The following LRP12 variants were observed in gnomAD, a reference collection of about 807,000 sequenced individuals.
LRP12 encodes LDL receptor related protein 12.
A neutral mutation model predicts 66.0 loss-of-function variants in LRP12; 14 were observed. That is an observed-to-expected ratio of 0.21 (90% confidence interval 0.14 to 0.33). LRP12 has a LOEUF of 0.33. Ranked by LOEUF, LRP12 falls within the 10% of genes least tolerant of loss-of-function variation. The pLI is 1.00. For missense variants in LRP12, 889 were observed against 1,053.4 expected (o/e 0.84, Z 2.16); for synonymous variants, 357 against 359.1 (o/e 0.99, Z 0.07).
intron 1 of LRP12, among the ~76,000 whole-genome samples, chr8:104,564,014 A>G (rs1811956274): frequency 2.0e-5 from 3 of 152,172 alleles, no homozygotes; most frequent in Non-Finnish European, 4.4e-5. Context: ...GAGTGTATAC[A>G]TCAGTCCCTG....
rs1298627523 is a variant in LRP12 at position 104,491,547 on chromosome 8, A to G, written c.1714-8T>C. 4 of 1,586,280 alleles carry G rather than the reference A, an allele frequency of 2.5e-6. No individual in the cohort carries two copies. The highest frequency in any genetic ancestry group is 3.4e-6 in the Non-Finnish European group (4 of 1,171,156). On this transcript the variant is annotated splice_polypyrimidine_tract_variant and splice_region_variant and intron_variant, in intron 6 of 6. Transcript: ENST00000276654. ...ATTTTCCAAAACAGAAGCCTACAAAAATAAGAAAAGATCTTAAGATAGTTA... is the reference window on the plus strand; with the variant it reads ...ATTTTCCAAAACAGAAGCCTACAAAGATAAGAAAAGATCTTAAGATAGTTA...
chr8:104,547,848 A>G (rs1811620443), intron 1 of LRP12, among the ~76,000 whole-genome samples: 1 of 128,618 alleles, frequency 7.8e-6, no homozygotes, highest in South Asian at 2.4e-4. Flanking sequence ...ATTCTATGTT[A>G]TATTTTGTAT....
At chr8:104,586,730 G>A (rs890404842) in intron 1 of LRP12, among the ~76,000 whole-genome samples, 2 of 152,086 alleles carry the variant, frequency 1.3e-5, no homozygotes, top group Non-Finnish European at 2.9e-5. Context: ...AGACAGAAGA[G>A]GACAAAAAAC....
At chr8:104,588,790 C>A in intron 1 of LRP12, 29 bp downstream of exon 1, 2 of 1,607,086 alleles carry the variant, frequency 1.2e-6, no homozygotes, top group South Asian at 2.2e-5. Context: ...TTTGTTCGGT[C>A]AGCGGGGCGC....
At chr8:104,556,971 T>A (rs1437360395) in intron 1 of LRP12, among the ~76,000 whole-genome samples, 1 of 152,126 alleles carries the variant, frequency 6.6e-6, no homozygotes, top group Admixed American at 6.5e-5. Context: ...CACAAGTCAA[T>A]AAATGTAATA....
intron 1 of LRP12, among the ~76,000 whole-genome samples, chr8:104,552,363 C>CGTG: frequency 6.7e-6 from 1 of 149,626 alleles, no homozygotes; most frequent in Non-Finnish European, 1.5e-5. Flanking sequence ...ATAAATATGT[C>CGTG]TTTTTTTTGT....
intron 1 of LRP12, among the ~76,000 whole-genome samples, chr8:104,583,883 G>T (rs1254521914): frequency 6.6e-6 from 1 of 152,138 alleles, no homozygotes; most frequent in Non-Finnish European, 1.5e-5. Context: ...TTAAGTACTT[G>T]TAAGTAAATA....
intron 2 of LRP12, among the ~76,000 whole-genome samples, chr8:104,523,575 G>A (rs188928658): frequency 2.6e-5 from 4 of 152,310 alleles, no homozygotes; most frequent in African/African-American, 9.6e-5. Context: ...CATGTGAGCA[G>A]TTGTTATCTC....
chr8:104,542,355 T>C (rs868560819), intron 1 of LRP12, among the ~76,000 whole-genome samples: 2 of 152,344 alleles, frequency 1.3e-5, no homozygotes, highest in Middle Eastern at 3.4e-3. Context: ...CTTTCTGTTA[T>C]TGCTGAGTTG....
chr8:104,550,947 A>G (rs1047084521), intron 1 of LRP12, among the ~76,000 whole-genome samples: 2 of 152,154 alleles, frequency 1.3e-5, no homozygotes, highest in African/African-American at 4.8e-5. Flanking sequence ...TTTTAAAGGT[A>G]CATCTGACAT....
At chr8:104,555,836 C>G (rs1371052827) in intron 1 of LRP12, among the ~76,000 whole-genome samples, 1 of 152,070 alleles carries the variant, frequency 6.6e-6, no homozygotes. Flanking sequence ...ACAGGATATT[C>G]CACCCAACAA....
chr8:104,495,023 G>C, intron 6 of LRP12, 54 bp downstream of exon 6: 1 of 1,546,910 alleles, frequency 6.5e-7, no homozygotes, highest in Non-Finnish European at 8.8e-7. Context: ...ATATATACAG[G>C]CGCAGATTTC....
intron 1 of LRP12, among the ~76,000 whole-genome samples, chr8:104,572,564 C>A (rs1333679778): frequency 6.6e-6 from 1 of 151,918 alleles, no homozygotes; most frequent in African/African-American, 2.4e-5. Context: ...ATAAAGAAAC[C>A]TTTGATAAGT....
intron 1 of LRP12, among the ~76,000 whole-genome samples, chr8:104,564,474 A>AG (rs1272463895): frequency 6.6e-6 from 1 of 152,130 alleles, no homozygotes; most frequent in African/African-American, 2.4e-5. Flanking sequence ...GAATGTGCGC[A>AG]GGGGCATTAC....
At position 104,588,920 on chromosome 8, in the gene LRP12, G is replaced by A. The variant is rs373556795; in HGVS notation, c.-23C>T. 1.8e-4 allele frequency: 286 copies of A among 1,579,648 alleles called. 3 individuals are homozygous for A. The South Asian group carries it at 2.0e-3, about 11-fold the overall frequency. On this transcript the variant is annotated 5_prime_UTR_variant, in exon 1 of 7. Transcript: ENST00000276654. ...CATAACCACAGCAGATGGAGAGAGA[G>A]AGGAGGAGACGGAGGAGGAGGGAGG...
chr8:104,543,835 T>C (rs1811514001), intron 1 of LRP12, among the ~76,000 whole-genome samples: 1 of 152,040 alleles, frequency 6.6e-6, no homozygotes, highest in African/African-American at 2.4e-5. Context: ...GGCAGTAGAA[T>C]CACCTGAACC....
At chr8:104,508,860 G>A (rs1810946845) in intron 3 of LRP12, 79 bp downstream of exon 3, 9 of 1,261,162 alleles carry the variant, frequency 7.1e-6, no homozygotes, top group South Asian at 1.5e-5. Context: ...TTATATTACT[G>A]CATGTTAAGT....
At chr8:104,513,477 A>AT (rs1811026819) in intron 2 of LRP12, among the ~76,000 whole-genome samples, 1 of 151,750 alleles carries the variant, frequency 6.6e-6, no homozygotes, top group Admixed American at 6.6e-5. Context: ...CTTCCTTTGC[A>AT]TTTTTTCTCT....
intron 1 of LRP12, among the ~76,000 whole-genome samples, chr8:104,561,792 T>C (rs1042934602): frequency 2.6e-5 from 4 of 152,298 alleles, no homozygotes; most frequent in Non-Finnish European, 4.4e-5. Context: ...TTATTGGCCA[T>C]TGTGTCCTTT....
Sources: allele counts gnomAD v4.1 joint callset (sites outside exome capture counted in the v4.1 genomes callset), GRCh38; gene constraint gnomAD v4.1.1; transcripts MANE v1.5; gene names NCBI Gene and HGNC (gene_info 2026-07-23, HGNC 2026-07-21).